SFMBT2: variants seen among roughly 807,000 people sequenced by gnomAD.
SFMBT2 encodes scm-like with four MBT domains protein 2.
Under a neutral mutation model 110.1 loss-of-function variants are expected in SFMBT2, and 38 were observed. That is an observed-to-expected ratio of 0.35 (90% confidence interval 0.27 to 0.45). SFMBT2 has a LOEUF of 0.45. Ranked by LOEUF, SFMBT2 falls within the 20% of genes least tolerant of loss-of-function variation. The pLI is 1.00. For synonymous variants in SFMBT2, 425 were observed against 425.4 expected, an observed-to-expected ratio of 1.00 and a Z score of 0.01; for missense variants, 1,011 against 1,094.9, an observed-to-expected ratio of 0.92 and a Z score of 1.08.
At chr10:7,178,791 T>C (rs1399749880) in intron 16 of SFMBT2, among the ~76,000 whole-genome samples, 4 of 152,228 alleles carry the variant, frequency 2.6e-5, no homozygotes, top group Admixed American at 1.3e-4. Flanking sequence ...CAAATATTTA[T>C]GGGAATATGA....
chr10:7,249,271 A>C (rs760346534), intron 7 of SFMBT2: 18 of 171,208 alleles, frequency 1.1e-4, no homozygotes, highest in Non-Finnish European at 1.8e-4. Context: ...CATTCCTAAT[A>C]GGGGTCTGGC....
chr10:7,395,785 T>C (rs186776595), intron 1 of SFMBT2, among the ~76,000 whole-genome samples: 1 of 152,272 alleles, frequency 6.6e-6, no homozygotes, highest in Non-Finnish European at 1.5e-5. Flanking sequence ...TTTTCTATTA[T>C]ATCCCTAAGG....
At chr10:7,245,987 A>T (rs1323001735) in intron 8 of SFMBT2, among the ~76,000 whole-genome samples, 3 of 152,250 alleles carry the variant, frequency 2.0e-5, no homozygotes, top group Non-Finnish European at 2.9e-5. Context: ...AAAGAAATAC[A>T]TTTAATTATT....
chr10:7,409,140 C>T (rs939273764), intron 1 of SFMBT2, among the ~76,000 whole-genome samples: 14 of 151,388 alleles, frequency 9.2e-5, no homozygotes, highest in Non-Finnish European at 1.9e-4. Context: ...GGTCCCGGTC[C>T]CCCACCTCCC....
At chr10:7,221,400 C>T (rs947869250) in intron 10 of SFMBT2, among the ~76,000 whole-genome samples, 8 of 151,854 alleles carry the variant, frequency 5.3e-5, no homozygotes, top group African/African-American at 1.7e-4. Flanking sequence ...AACTCCAACT[C>T]TACTAAAATA....
At chr10:7,191,981 A>C (rs1838614848) in intron 15 of SFMBT2, among the ~76,000 whole-genome samples, 1 of 152,138 alleles carries the variant, frequency 6.6e-6, no homozygotes, top group Admixed American at 6.5e-5. Flanking sequence ...CTATGCTATG[A>C]TAAGAAAGTT....
intron 4 of SFMBT2, among the ~76,000 whole-genome samples, chr10:7,330,400 C>T (rs1351319294): frequency 6.6e-6 from 1 of 152,164 alleles, no homozygotes; most frequent in East Asian, 1.9e-4. Flanking sequence ...TAGAATCAAA[C>T]ATTAATTAAC....
chr10:7,304,365 C>T (rs1842635965), intron 4 of SFMBT2, among the ~76,000 whole-genome samples: 1 of 152,194 alleles, frequency 6.6e-6, no homozygotes, highest in Admixed American at 6.5e-5. Context: ...ATTGTGAGGC[C>T]TCCCCAGCCA....
chr10:7,211,940 C>T (rs1161904952), intron 11 of SFMBT2, among the ~76,000 whole-genome samples: 1 of 152,102 alleles, frequency 6.6e-6, no homozygotes, highest in African/African-American at 2.4e-5. Context: ...CAGCTGGTCC[C>T]CTAAACATAC....
intron 16 of SFMBT2, among the ~76,000 whole-genome samples, chr10:7,181,887 G>A (rs1356610022): frequency 6.6e-6 from 1 of 152,152 alleles, no homozygotes; most frequent in Non-Finnish European, 1.5e-5. Flanking sequence ...GGAATTAACA[G>A]TAAATCTGCA....
rs530969699 is a variant in SFMBT2, at chr10:7,172,284, CACCCG to C, written c.2152-131_2152-127del. On this transcript the variant is annotated intron_variant, in intron 18 of 20. Transcript: ENST00000397167. This position sits in a 1 kb window ranked among gnomAD's most constrained non-coding sequence, Gnocchi z 4.6. ...CCCTCGGAAATGGAGCCAGTGGTCC[CACCCG>C]TGGGCCCTACGAGGCCCTTCCCAGC... 173 of 1,453,060 alleles carry C rather than the reference CACCCG, an allele frequency of 1.2e-4. 1 individual carries two copies. The South Asian group carries it at 2.4e-3, about 20-fold the overall frequency. 90.0% of individuals were successfully genotyped at this position (1,453,060 alleles called of 1,614,324 possible). A position where few individuals can be genotyped will look rare whatever the true frequency, so the allele number is the denominator to read the frequency against.
At chr10:7,268,853 G>C (rs1470624762) in intron 7 of SFMBT2, among the ~76,000 whole-genome samples, 1 of 152,146 alleles carries the variant, frequency 6.6e-6, no homozygotes, top group Non-Finnish European at 1.5e-5. Flanking sequence ...TTTTTAAAAG[G>C]AAGATTTCTT....
chr10:7,411,136 C>A (rs1846370281), upstream of SFMBT2, among the ~76,000 whole-genome samples: 1 of 136,404 alleles, frequency 7.3e-6, no homozygotes. Flanking sequence ...GCGCGTGCAG[C>A]GAACTCCTTC....
chr10:7,392,997 ATATATAT>A (rs1845814498), intron 1 of SFMBT2, among the ~76,000 whole-genome samples: 1 of 62,962 alleles, frequency 1.6e-5, no homozygotes, highest in Non-Finnish European at 2.8e-5. Flanking sequence ...ATATATATAT[ATATATAT>A]ATATATATAT....
chr10:7,378,462 T>TG (rs376755204), intron 2 of SFMBT2, among the ~76,000 whole-genome samples: 5 of 18,694 alleles, frequency 2.7e-4, no homozygotes, highest in Non-Finnish European at 2.6e-4. Flanking sequence ...TGTGGATGGG[T>TG]GATGGATGGG....
intron 8 of SFMBT2, among the ~76,000 whole-genome samples, chr10:7,244,472 A>G (rs527787176): frequency 6.6e-6 from 1 of 152,344 alleles, no homozygotes; most frequent in African/African-American, 2.4e-5. Context: ...TTGTTAACAC[A>G]AGTATTTCCA....
intron 12 of SFMBT2, chr10:7,205,247 A>T: frequency 4.1e-6 from 1 of 246,566 alleles, no homozygotes; most frequent in Non-Finnish European, 6.5e-6. Flanking sequence ...TGACTAATTT[A>T]CTTATATATG....
intron 11 of SFMBT2, among the ~76,000 whole-genome samples, chr10:7,210,146 G>A (rs1454513368): frequency 2.0e-5 from 3 of 152,154 alleles, no homozygotes; most frequent in African/African-American, 7.2e-5. Context: ...GGACACAGAG[G>A]TCTACCTGGT....
At chr10:7,343,058 C>A (rs746240944) in intron 4 of SFMBT2, among the ~76,000 whole-genome samples, 3 of 151,920 alleles carry the variant, frequency 2.0e-5, no homozygotes, top group Non-Finnish European at 4.4e-5. Flanking sequence ...CTCAAGTAGG[C>A]CCCCGTGTCT....
Sources: allele counts gnomAD v4.1 joint callset (sites outside exome capture counted in the v4.1 genomes callset), GRCh38; gene constraint gnomAD v4.1.1; non-coding constraint Gnocchi (gnomAD v3.1); transcripts MANE v1.5; gene names NCBI Gene and HGNC (gene_info 2026-07-23, HGNC 2026-07-21).